The following CDH11 variants were observed in gnomAD, a reference collection of about 807,000 sequenced individuals.
CDH11 encodes cadherin 11, also known as cadherin-11.
Under a neutral mutation model 67.8 loss-of-function variants are expected in CDH11, and 11 were observed. The observed-to-expected ratio is 0.16, with a 90% CI of 0.10 to 0.27. CDH11 has a LOEUF of 0.27. Ranked by LOEUF, CDH11 falls within the 10% of genes least tolerant of loss-of-function variation. The pLI is 1.00. For synonymous variants in CDH11, 419 were observed against 400.0 expected (o/e 1.05, Z -0.57); for missense variants, 847 against 1,031.2 (o/e 0.82, Z 2.45).
chr16:65,061,719 A>G (rs769377818), intron 1 of CDH11, among the ~76,000 whole-genome samples: 5 of 152,234 alleles, frequency 3.3e-5, no homozygotes, highest in South Asian at 2.1e-4. Flanking sequence ...CATCATGTAC[A>G]TATGATGCTA....
At chr16:64,961,895 T>TCACA (rs2071684142) in intron 11 of CDH11, among the ~76,000 whole-genome samples, 1 of 152,014 alleles carries the variant, frequency 6.6e-6, no homozygotes, top group Non-Finnish European at 1.5e-5. Flanking sequence ...TCTGTCTCTC[T>TCACA]CACACACACA....
intron 8 of CDH11, among the ~76,000 whole-genome samples, chr16:64,977,803 G>A (rs1567503678): frequency 6.6e-6 from 1 of 152,196 alleles, no homozygotes; most frequent in African/African-American, 2.4e-5. Flanking sequence ...AGCAGTCATA[G>A]CCACAAAGGA....
In CDH11 at chr16:65,121,559, A is replaced by G. The variant is rs919392149; in HGVS notation, c.-298+321T>C. ...GGTCTGCTCTGCAGTCTCTTGCCCC[A>G]GCCAGGTACAAACCCCCTCTGCTGT... On this transcript the variant is annotated intron_variant, in intron 1 of 12. Transcript: ENST00000268603. This position sits in a 1 kb window ranked among gnomAD's most constrained non-coding sequence, Gnocchi z 4.1. Among the ~76,000 whole-genome samples, 2 of 152,246 alleles carry G rather than the reference A, an allele frequency of 1.3e-5. No homozygotes were observed. Among genetic ancestry groups the G allele is most frequent in the Non-Finnish European group, 2.9e-5 (2 of 68,014 alleles).
At chr16:64,971,314 C>T (rs2071998574) in intron 11 of CDH11, among the ~76,000 whole-genome samples, 1 of 152,150 alleles carries the variant, frequency 6.6e-6, no homozygotes, top group Non-Finnish European at 1.5e-5. Context: ...GAGTTGTTTG[C>T]ATATTGACCC....
At chr16:64,950,490 G>T (rs2071327277) in intron 12 of CDH11, among the ~76,000 whole-genome samples, 1 of 152,060 alleles carries the variant, frequency 6.6e-6, no homozygotes, top group African/African-American at 2.4e-5. Flanking sequence ...ATACAGCCCT[G>T]TGATGGCCCG....
intron 11 of CDH11, among the ~76,000 whole-genome samples, chr16:64,953,819 T>C (rs916687049): frequency 3.9e-5 from 6 of 152,218 alleles, no homozygotes; most frequent in African/African-American, 9.6e-5. Flanking sequence ...AAATGAATGT[T>C]AAAAATTTAA....
chr16:65,042,140 T>C (rs1407763551), intron 2 of CDH11, among the ~76,000 whole-genome samples: 4 of 152,216 alleles, frequency 2.6e-5, no homozygotes, highest in Non-Finnish European at 5.9e-5. Context: ...AGAGTGCTAC[T>C]AGTATGGATG....
intron 1 of CDH11, among the ~76,000 whole-genome samples, chr16:65,055,944 A>G (rs1303312247): frequency 6.6e-6 from 1 of 152,244 alleles, no homozygotes; most frequent in African/African-American, 2.4e-5. Context: ...AAAAGAAAGC[A>G]GAGCTCTCTC....
chr16:65,032,370 A>T (rs1297823438), intron 2 of CDH11, among the ~76,000 whole-genome samples: 1 of 151,132 alleles, frequency 6.6e-6, no homozygotes, highest in African/African-American at 2.4e-5. Flanking sequence ...GCATGCCTGT[A>T]GTTCAGCTAC....
chr16:65,096,727 T>C (rs1420244171), intron 1 of CDH11, among the ~76,000 whole-genome samples: 4 of 151,872 alleles, frequency 2.6e-5, no homozygotes, highest in African/African-American at 9.7e-5. Flanking sequence ...GTGTGTATCC[T>C]GTTGGTTCTG....
At chr16:65,115,264 C>T (rs1399612975) in intron 1 of CDH11, among the ~76,000 whole-genome samples, 1 of 152,164 alleles carries the variant, frequency 6.6e-6, no homozygotes, top group Non-Finnish European at 1.5e-5. Flanking sequence ...CAAATCCCAA[C>T]TGCCTCTTGA....
chr16:64,972,856 C>T (rs368590436), intron 9 of CDH11, 48 bp downstream of exon 9: 17 of 1,594,642 alleles, frequency 1.1e-5, no homozygotes, highest in Middle Eastern at 1.7e-4. Context: ...GAGTCTGAAG[C>T]GATAATACTT....
intron 2 of CDH11, among the ~76,000 whole-genome samples, chr16:65,037,657 T>C (rs2073780028): frequency 6.6e-6 from 1 of 152,140 alleles, no homozygotes; most frequent in South Asian, 2.1e-4. Context: ...AGACACCTGC[T>C]TCTGAACTGT....
chr16:65,053,003 A>C (rs1170123528), intron 2 of CDH11, among the ~76,000 whole-genome samples: 2 of 152,150 alleles, frequency 1.3e-5, no homozygotes, highest in East Asian at 3.9e-4. Flanking sequence ...GGACCCAGGA[A>C]AAACCTGGAT....
At chr16:64,949,751 C>T (rs1379705157) in intron 12 of CDH11, among the ~76,000 whole-genome samples, 1 of 152,054 alleles carries the variant, frequency 6.6e-6, no homozygotes, top group Admixed American at 6.6e-5. Flanking sequence ...CTACTCTGTC[C>T]TCCAACCATC....
At chr16:64,952,721 G>T (rs1279106329) in intron 11 of CDH11, among the ~76,000 whole-genome samples, 1 of 152,014 alleles carries the variant, frequency 6.6e-6, no homozygotes, top group Non-Finnish European at 1.5e-5. Flanking sequence ...GCCTCTGTTT[G>T]TGGGTTAAGA....
chr16:65,048,676 GTA>G (rs1025910717), intron 2 of CDH11, among the ~76,000 whole-genome samples: 15 of 151,562 alleles, frequency 9.9e-5, no homozygotes, highest in Non-Finnish European at 1.6e-4. Flanking sequence ...ATATACATAT[GTA>G]TATATGTGTG....
intron 1 of CDH11, among the ~76,000 whole-genome samples, chr16:65,061,270 C>T (rs2074233562): frequency 6.6e-6 from 1 of 152,128 alleles, no homozygotes. Context: ...CAGAGCTAGA[C>T]TATTGGAGAA....
At chr16:65,041,604 G>A (rs1217703566) in intron 2 of CDH11, among the ~76,000 whole-genome samples, 1 of 152,196 alleles carries the variant, frequency 6.6e-6, no homozygotes, top group Non-Finnish European at 1.5e-5. Context: ...TGGATTAAGT[G>A]CTATTTCAAA....
Sources: allele counts gnomAD v4.1 joint callset (sites outside exome capture counted in the v4.1 genomes callset), GRCh38; gene constraint gnomAD v4.1.1; non-coding constraint Gnocchi (gnomAD v3.1); transcripts MANE v1.5; gene names NCBI Gene and HGNC (gene_info 2026-07-23, HGNC 2026-07-21).